The following OR4C6 variants were observed in gnomAD, a reference collection of about 807,000 sequenced individuals.
OR4C6 encodes olfactory receptor 4C6.
OR4C6 carries 20 observed loss-of-function variants against 13.9 expected under a neutral mutation model. The observed-to-expected ratio is 1.43, with a 90% CI of 1.01 to 2.08. The LOEUF (loss-of-function observed/expected upper bound fraction) is 2.08. OR4C6 is among the 30% of genes most tolerant of loss of function. The pLI, the probability that OR4C6 is intolerant of heterozygous loss-of-function variation, is 0.00. For missense variants in OR4C6, 555 were observed against 381.2 expected (o/e 1.46, Z -3.80); for synonymous variants, 193 against 141.5 (o/e 1.36, Z -2.58).
Position 55,665,533 on chromosome 11 carries a change from G to T in OR4C6, c.367G>T (p.Ala123Ser). Residue 123 changes from alanine to serine, a missense_variant, in exon 2 of 2, where the codon GCC (alanine) becomes TCC (serine). Transcript: ENST00000314259. ...TGTGATGGCCTATGACCGCTACGTG[G>T]CCATCTGTAAGCCCCTGCACTACAC... ...LTVMAYDRYV[A>S]ICKPLHYTII... The T allele has an allele frequency of 6.2e-7, 1 of 1,613,866 alleles. No homozygotes were observed. The highest frequency in any genetic ancestry group is 8.5e-7 in the Non-Finnish European group (1 of 1,179,984).
At chr11:55,663,147 G>C (rs1450671344) in intron 1 of OR4C6, among the ~76,000 whole-genome samples, 1 of 137,824 alleles carries the variant, frequency 7.3e-6, no homozygotes, top group Admixed American at 7.9e-5. Context: ...TGCTGTGTCT[G>C]AATTCAGGAA....
chr11:55,663,993 T>C (rs79902908), intron 1 of OR4C6, among the ~76,000 whole-genome samples: 7,899 of 120,166 alleles, frequency 0.066, 1,746 homozygotes, highest in Non-Finnish European at 0.11. Context: ...GTTGCAGTAG[T>C]AACTTCCCTG....
chr11:55,663,959 T>A (rs1365776523), intron 1 of OR4C6, among the ~76,000 whole-genome samples: 1 of 138,306 alleles, frequency 7.2e-6, no homozygotes, highest in Non-Finnish European at 1.6e-5. Context: ...TATGAGGCAT[T>A]CTTTACTGCA....
At position 55,665,412 on chromosome 11, in the gene OR4C6, C is replaced by T. The variant is rs762590325; in HGVS notation, c.246C>T (p.Asp82=). The T allele has an allele frequency of 2.5e-6, 4 of 1,613,622 alleles. No individual in the cohort carries two copies. The highest frequency in any genetic ancestry group is 2.7e-5 in the African/African-American group (2 of 74,690). ...SSVVAPKVIV[D]TLSKSTTISL... ...TCGTTGCCCCCAAGGTGATTGTAGA[C>T]ACCCTCTCCAAGAGCACTACCATCT... The change falls in exon 2 of 2, where the codon GAC becomes GAT. Residue 82 remains aspartate, a synonymous_variant. Coordinates refer to ENST00000314259, the MANE Select transcript of OR4C6 (RefSeq NM_001004704.2).
rs2134329547 is a variant in OR4C6 at position 55,664,023 on chromosome 11, C to T, written c.-42-1102C>T. Among the ~76,000 whole-genome samples, 2 of 99,236 alleles carry T rather than the reference C, an allele frequency of 2.0e-5. 1 individual carries two copies. Among genetic ancestry groups the T allele is most frequent in the South Asian group, 6.5e-4 (2 of 3,062 alleles). The allele number at this position is 99,236 out of a possible 152,430, so 65.1% of individuals were successfully genotyped here. A position where few individuals can be genotyped will look rare whatever the true frequency, so the allele number is the denominator to read the frequency against. ...TCCCTGAAATACAATCTATTCTTCTCTTCTCATGTGGTGGGATATACTAGG... is the reference window on the plus strand; with the variant it reads ...TCCCTGAAATACAATCTATTCTTCTTTTCTCATGTGGTGGGATATACTAGG... On this transcript the variant is annotated intron_variant, in intron 1 of 1. Transcript: ENST00000314259.
chr11:55,665,298 G>A lies in OR4C6; in HGVS notation c.132G>A (p.Val44=). 1 of 1,613,210 alleles carries A rather than the reference G, an allele frequency of 6.2e-7. No homozygotes were observed. Among genetic ancestry groups the A allele is most frequent in the Non-Finnish European group, 8.5e-7 (1 of 1,179,428 alleles). ...VATVLENLLI[V]VTIITSQSLR... ...CAGTGCTGGAAAATCTACTTATTGT[G>A]GTAACTATTATCACAAGTCAGAGTC... The change falls in exon 2 of 2, where the codon GTG becomes GTA. Residue 44 remains valine (V), a synonymous_variant. Coordinates refer to ENST00000314259, the MANE Select transcript of OR4C6 (RefSeq NM_001004704.2).
In OR4C6 at chr11:55,665,357, T is replaced by G; in HGVS notation, c.191T>G (p.Leu64Trp). The change falls in exon 2 of 2, where the codon TTG (leucine) becomes TGG (tryptophan). Residue 64 changes from leucine (L) to tryptophan (W), a missense_variant. Physicochemically the swap from Leu to Trp is moderately conservative, Grantham distance 61. Coordinates refer to ENST00000314259, the MANE Select transcript of OR4C6 (RefSeq NM_001004704.2). ...RSPMYFFLTF[L>W]SLLDVMFSSV... ...CCTATGTATTTTTTTCTTACCTTCT[T>G]GTCCCTTTTGGATGTCATGTTCTCA... 6.2e-7 allele frequency: 1 copy of G among 1,613,760 alleles called. No homozygotes were observed. Among genetic ancestry groups the G allele is most frequent in the Non-Finnish European group, 8.5e-7 (1 of 1,179,864 alleles).
chr11:55,665,792 TTCTTA>T lies in OR4C6; in HGVS notation c.632_636del (p.Ile211AsnfsTer17), dbSNP rs769789361. 1 of 1,613,842 alleles carries T rather than the reference TTCTTA, an allele frequency of 6.2e-7. No individual in the cohort carries two copies. The highest frequency in any genetic ancestry group is 1.3e-5 in the African/African-American group (1 of 74,754). On this transcript the variant is annotated frameshift_variant, in exon 2 of 2. Transcript: ENST00000314259. LOFTEE classifies it high-confidence loss of function. ...AGTGGGATGATGTGTGTGGCCATCT[TTCTTA>T]TCTTAATTGCGTCCTACACGGTCAT... is the stretch of plus-strand genomic sequence containing the variant.
Position 55,665,368 on chromosome 11 carries a change from G to T in OR4C6, c.202G>T (p.Asp68Tyr), listed in dbSNP as rs758144921. 1.9e-6 allele frequency: 3 copies of T among 1,613,486 alleles called. No homozygotes were observed. The East Asian group carries it at 6.7e-5, about 36-fold the overall frequency. The change falls in exon 2 of 2, where the codon GAT becomes TAT. Residue 68 changes from aspartate (D) to tyrosine (Y), a missense_variant. By Grantham distance (160) the Asp-to-Tyr change is radical. Transcript: ENST00000314259. ...YFFLTFLSLL[D>Y]VMFSSVVAPK... Reference sequence around the variant, plus strand: ...TTTTCTTACCTTCTTGTCCCTTTTGGATGTCATGTTCTCATCTGTCGTTGC... The same window carrying T: ...TTTTCTTACCTTCTTGTCCCTTTTGTATGTCATGTTCTCATCTGTCGTTGC...
intron 1 of OR4C6, among the ~76,000 whole-genome samples, chr11:55,663,324 A>G (rs1442549954): frequency 1.4e-5 from 2 of 138,172 alleles, no homozygotes; most frequent in African/African-American, 5.0e-5. Context: ...GTCAGTTGGA[A>G]AAGTTCAATT....
In OR4C6 at chr11:55,665,413, AC is replaced by A; in HGVS notation, c.250del (p.Leu84SerfsTer32). 2 of 1,613,646 alleles carry A rather than the reference AC, an allele frequency of 1.2e-6. No individual in the cohort carries two copies. Among genetic ancestry groups the A allele is most frequent in the Non-Finnish European group, 1.7e-6 (2 of 1,179,928 alleles). ...CGTTGCCCCCAAGGTGATTGTAGACACCCTCTCCAAGAGCACTACCATCTCT... is the reference window on the plus strand; with the variant it reads ...CGTTGCCCCCAAGGTGATTGTAGACACCTCTCCAAGAGCACTACCATCTCT... ...SVVAPKVIVD[T>X]LSKSTTISLK... On this transcript the variant is annotated frameshift_variant, in exon 2 of 2. Coordinates refer to ENST00000314259, the MANE Select transcript of OR4C6 (RefSeq NM_001004704.2). LOFTEE classifies it high-confidence loss of function.
chr11:55,665,539 T>C lies in OR4C6; in HGVS notation c.373T>C (p.Cys125Arg). The change falls in exon 2 of 2, where the codon TGT becomes CGT. Residue 125 changes from cysteine to arginine, a missense_variant. By Grantham distance (180) the Cys-to-Arg change is radical. Transcript: ENST00000314259. ...VMAYDRYVAI[C>R]KPLHYTIIMS... ...GGCCTATGACCGCTACGTGGCCATC[T>C]GTAAGCCCCTGCACTACACGATCAT... 2 of 1,613,906 alleles carry C rather than the reference T, an allele frequency of 1.2e-6. No individual in the cohort carries two copies. Among genetic ancestry groups the C allele is most frequent in the Non-Finnish European group, 1.7e-6 (2 of 1,179,994 alleles).
intron 1 of OR4C6, among the ~76,000 whole-genome samples, chr11:55,663,085 G>A (rs542663201): frequency 7.2e-6 from 1 of 138,706 alleles, no homozygotes; most frequent in Non-Finnish European, 1.6e-5. Flanking sequence ...GGACTGGGGA[G>A]GTTGAGATTA....
chr11:55,665,713 T>A lies in OR4C6; in HGVS notation c.547T>A (p.Leu183Met). 1 of 1,613,964 alleles carries A rather than the reference T, an allele frequency of 6.2e-7. No homozygotes were observed. The highest frequency in any genetic ancestry group is 1.1e-5 in the South Asian group (1 of 91,086). ...CTTTATATGTGATTTGTTTCAGTTG[T>A]TGACACTTGCCTGCACGGACACCCA... is the stretch of plus-strand genomic sequence containing the variant. ...DHFICDLFQLLTLACTDTHIL... is the reference protein window; with the variant it reads ...DHFICDLFQLMTLACTDTHIL... Residue 183 changes from leucine to methionine, a missense_variant, in exon 2 of 2, where the codon TTG becomes ATG. Physicochemically the swap from Leu to Met is conservative, Grantham distance 15 (BLOSUM62 2). Coordinates refer to ENST00000314259, the MANE Select transcript of OR4C6 (RefSeq NM_001004704.2).
In OR4C6 at chr11:55,665,980, T is replaced by C; in HGVS notation, c.814T>C (p.Ser272Pro). The change falls in exon 2 of 2, where the codon TCA (serine) becomes CCA (proline). Residue 272 changes from serine to proline, a missense_variant. Transcript: ENST00000314259. Reference sequence around the variant, plus strand: ...CCCCATAGACAAGGCAATGGCTGTGTCAGACTCAATCATCACACCCATGTT... The same window carrying C: ...CCCCATAGACAAGGCAATGGCTGTGCCAGACTCAATCATCACACCCATGTT... ...THPIDKAMAVSDSIITPMLNP... is the reference protein window; with the variant it reads ...THPIDKAMAVPDSIITPMLNP... 1 of 1,613,450 alleles carries C rather than the reference T, an allele frequency of 6.2e-7. No homozygotes were observed. The highest frequency in any genetic ancestry group is 8.5e-7 in the Non-Finnish European group (1 of 1,179,570).
At position 55,665,495 on chromosome 11, in the gene OR4C6, T is replaced by C; in HGVS notation, c.329T>C (p.Ile110Thr). The C allele has an allele frequency of 6.2e-7, 1 of 1,613,820 alleles. No homozygotes were observed. The highest frequency in any genetic ancestry group is 8.5e-7 in the Non-Finnish European group (1 of 1,179,958). Reference protein sequence around the residue: ...FVEHFFGGVGIILLTVMAYDR... With the variant: ...FVEHFFGGVGTILLTVMAYDR... ...GAGCATTTCTTTGGTGGTGTGGGGA[T>C]CATCCTCCTCACTGTGATGGCCTAT... The change falls in exon 2 of 2, where the codon ATC becomes ACC. Residue 110 changes from isoleucine to threonine, a missense_variant. Coordinates refer to ENST00000314259, the MANE Select transcript of OR4C6 (RefSeq NM_001004704.2).
intron 1 of OR4C6, among the ~76,000 whole-genome samples, chr11:55,664,499 T>A (rs566289438): frequency 6.6e-6 from 1 of 152,126 alleles, no homozygotes; most frequent in Non-Finnish European, 1.5e-5. Flanking sequence ...AGCACACAAT[T>A]GGAAAAGAAT....
chr11:55,665,637 A>T lies in OR4C6; in HGVS notation c.471A>T (p.Gln157His), dbSNP rs764391386. The T allele has an allele frequency of 6.2e-7, 1 of 1,613,084 alleles. No individual in the cohort carries two copies. Among genetic ancestry groups the T allele is most frequent in the Non-Finnish European group, 8.5e-7 (1 of 1,179,384 alleles). ...WVGGFMHAMIQLLFMYQIPFC... is the reference protein window; with the variant it reads ...WVGGFMHAMIHLLFMYQIPFC... Reference sequence around the variant, plus strand: ...GGGGATTTATGCACGCAATGATACAACTTCTCTTCATGTATCAAATACCCT... The same window carrying T: ...GGGGATTTATGCACGCAATGATACATCTTCTCTTCATGTATCAAATACCCT... The change falls in exon 2 of 2, where the codon CAA (glutamine) becomes CAT (histidine). Residue 157 changes from glutamine (Q) to histidine (H), a missense_variant. Transcript: ENST00000314259.
At position 55,663,156 on chromosome 11, in the gene OR4C6, A is replaced by G. The variant is rs561011547; in HGVS notation, c.-43+908A>G. On this transcript the variant is annotated intron_variant, in intron 1 of 1. Coordinates refer to ENST00000314259, the MANE Select transcript of OR4C6 (RefSeq NM_001004704.2). ...TAGGTTTGCTGTGTCTGAATTCAGG[A>G]ACATACCCTTTGAACAGAAGATTAA... is the stretch of plus-strand genomic sequence containing the variant. 2.2e-4 allele frequency among the ~76,000 whole-genome samples: 30 copies of G among 137,886 alleles called. 4 individuals carry two copies. The highest frequency in any genetic ancestry group is 7.1e-4 in the African/African-American group (28 of 39,608). The allele number at this position is 137,886 out of a possible 152,430, so 90.5% of individuals were successfully genotyped here. A position where few individuals can be genotyped will look rare whatever the true frequency, so the allele number is the denominator to read the frequency against.
Sources: gnomAD v4.1 joint callset for allele counts (sites outside exome capture counted in the v4.1 genomes callset) on GRCh38, gnomAD v4.1.1 for gene constraint, MANE v1.5 for transcripts, NCBI Gene and HGNC (gene_info 2026-07-23, HGNC 2026-07-21) for gene names.